Variants in PTPRG observed in about 807,000 individuals in gnomAD.
PTPRG encodes the protein protein tyrosine phosphatase receptor type G.
A neutral mutation model predicts 165.3 loss-of-function variants in PTPRG; 102 were observed. The observed-to-expected ratio is 0.62, with a 90% confidence interval of 0.53 to 0.73. The LOEUF is 0.73. Ranked by LOEUF, PTPRG falls within the 30% of genes least tolerant of loss-of-function variation. The pLI is 0.00. For synonymous variants in PTPRG, 675 were observed against 669.5 expected (o/e 1.01, Z -0.13); for missense variants, 1,866 against 1,861.4 (o/e 1.00, Z -0.05).
rs1338075365 is a variant in PTPRG at position 62,229,127 on chromosome 3, G to T, written c.2289-2098G>T. Among the ~76,000 whole-genome samples, 1 of 152,158 alleles carries T rather than the reference G, an allele frequency of 6.6e-6. No homozygotes were observed. Among genetic ancestry groups the T allele is most frequent in the Non-Finnish European group, 1.5e-5 (1 of 68,040 alleles). On this transcript the variant is annotated intron_variant, in intron 13 of 29. Transcript: ENST00000474889. The surrounding 1 kb of genome is among the most constrained non-coding windows in gnomAD (Gnocchi z 4.6). Reference sequence around the variant, plus strand: ...GCCAAAATATGGCTTGCCTCAGAGGGTTTGAGTTTATGACGACACCCTGGT... The same window carrying T: ...GCCAAAATATGGCTTGCCTCAGAGGTTTTGAGTTTATGACGACACCCTGGT...
intron 2 of PTPRG, among the ~76,000 whole-genome samples, chr3:61,898,134 T>C (rs913039987): frequency 6.6e-6 from 1 of 152,244 alleles, no homozygotes; most frequent in African/African-American, 2.4e-5. Context: ...TTCCCAATCT[T>C]AGAAAGAACA....
intron 2 of PTPRG, among the ~76,000 whole-genome samples, chr3:61,802,957 G>C (rs978874674): frequency 6.6e-6 from 1 of 152,164 alleles, no homozygotes; most frequent in African/African-American, 2.4e-5. Flanking sequence ...TCTTTATAGG[G>C]AACTGTTAAT....
chr3:61,945,129 A>G (rs1186011124), intron 2 of PTPRG, among the ~76,000 whole-genome samples: 1 of 152,220 alleles, frequency 6.6e-6, no homozygotes, highest in Non-Finnish European at 1.5e-5. Flanking sequence ...ATTGCACAGA[A>G]TATCAGTAAG....
intron 8 of PTPRG, among the ~76,000 whole-genome samples, chr3:62,171,789 A>G (rs939255513): frequency 6.6e-6 from 1 of 151,762 alleles, no homozygotes; most frequent in Non-Finnish European, 1.5e-5. Context: ...AGTGTTTTTT[A>G]CTGTAGTCAC....
chr3:61,754,597 G>A (rs116584294), intron 2 of PTPRG, among the ~76,000 whole-genome samples: 1 of 152,156 alleles, frequency 6.6e-6, no homozygotes, highest in Non-Finnish European at 1.5e-5. Context: ...TGGATACACG[G>A]ATAAATTAAC....
chr3:61,684,083 T>C (rs1036441591), intron 1 of PTPRG, among the ~76,000 whole-genome samples: 4 of 152,216 alleles, frequency 2.6e-5, no homozygotes, highest in Admixed American at 6.5e-5. Flanking sequence ...GAGTCATGCT[T>C]CCGTTTGCCA....
rs181393621 is a variant in PTPRG at position 62,226,698 on chromosome 3, G to A, written c.2289-4527G>A. On this transcript the variant is annotated intron_variant, in intron 13 of 29. Transcript: ENST00000474889. ...ACTGGAAACTCCCTAAGTGGGAATT[G>A]TAACATCTGACCCAGGTTTGTTAAA... 4.2e-3 allele frequency among the ~76,000 whole-genome samples: 637 copies of A among 152,306 alleles called. 5 individuals are homozygous for A. Among genetic ancestry groups the A allele is most frequent in the Non-Finnish European group, 5.6e-3 (382 of 68,028 alleles).
At chr3:61,772,945 AC>A (rs1233287925) in intron 2 of PTPRG, among the ~76,000 whole-genome samples, 9 of 152,204 alleles carry the variant, frequency 5.9e-5, no homozygotes, top group Non-Finnish European at 1.2e-4. Flanking sequence ...AATGAGTGGA[AC>A]TCCATAATAA....
In PTPRG at chr3:62,100,024, C is replaced by G. The variant is rs376637781; in HGVS notation, c.615+21766C>G. Among the ~76,000 whole-genome samples the G allele has an allele frequency of 2.0e-5, 3 of 151,808 alleles. No homozygotes were observed. In the East Asian group the frequency reaches 5.8e-4, roughly 29 times the overall value. On this transcript the variant is annotated intron_variant, in intron 5 of 29. Transcript: ENST00000474889. ...ATGTTGACCAGGCTGGTCTTGAACT[C>G]CTGACATCATGATCTTCCCACCTTG...
At chr3:61,635,377 A>G (rs1291229941) in intron 1 of PTPRG, among the ~76,000 whole-genome samples, 1 of 150,242 alleles carries the variant, frequency 6.7e-6, no homozygotes, top group Non-Finnish European at 1.5e-5. Context: ...ATTATTAGAG[A>G]CAGAGTCTCA....
chr3:61,938,290 G>A (rs2039528924), intron 2 of PTPRG, among the ~76,000 whole-genome samples: 1 of 144,560 alleles, frequency 6.9e-6, no homozygotes, highest in African/African-American at 2.6e-5. Flanking sequence ...ATAACCACAT[G>A]ATACGGGTGT....
chr3:62,218,799 C>A, intron 12 of PTPRG, 52 bp from the exon 13 acceptor site: 1 of 1,567,894 alleles, frequency 6.4e-7, no homozygotes, highest in South Asian at 1.2e-5. Context: ...TCAATTCTGG[C>A]TCCCACCTCC....
At chr3:61,624,148 C>T (rs1215478891) in intron 1 of PTPRG, among the ~76,000 whole-genome samples, 1 of 152,062 alleles carries the variant, frequency 6.6e-6, no homozygotes, top group Non-Finnish European at 1.5e-5. Flanking sequence ...TCCCCTGTCC[C>T]AGTATGGGTT....
intron 5 of PTPRG, among the ~76,000 whole-genome samples, chr3:62,130,681 C>A (rs1483822877): frequency 1.3e-5 from 2 of 152,164 alleles, no homozygotes; most frequent in East Asian, 3.9e-4. Context: ...TGGTTAGGTT[C>A]TCTTCTCTTG....
intron 12 of PTPRG, among the ~76,000 whole-genome samples, chr3:62,211,519 T>A (rs1700357774): frequency 6.6e-6 from 1 of 152,222 alleles, no homozygotes; most frequent in Non-Finnish European, 1.5e-5. Context: ...GTTTTTCCAC[T>A]ATTTTTTTTT....
At chr3:62,020,825 A>G (rs1575897955) in intron 4 of PTPRG, among the ~76,000 whole-genome samples, 1 of 147,154 alleles carries the variant, frequency 6.8e-6, no homozygotes, top group East Asian at 2.0e-4. Context: ...GGAATGTGTC[A>G]CCATGCACAG....
chr3:61,574,870 G>A lies in PTPRG; in HGVS notation c.85+12498G>A, dbSNP rs151001329. 1.9e-3 allele frequency among the ~76,000 whole-genome samples: 289 copies of A among 152,162 alleles called. 4 individuals are homozygous for A. Among genetic ancestry groups the A allele is most frequent in the East Asian group, 0.012 (64 of 5,162 alleles). Reference sequence around the variant, plus strand: ...GATGCCCTGGCTTCGTAACAACCCCGCTCAAGGGAACTAATCCATTCCCAC... The same window carrying A: ...GATGCCCTGGCTTCGTAACAACCCCACTCAAGGGAACTAATCCATTCCCAC... On this transcript the variant is annotated intron_variant, in intron 1 of 29. Coordinates refer to ENST00000474889, the MANE Select transcript of PTPRG (RefSeq NM_002841.4).
At chr3:62,065,273 T>C (rs571301264) in intron 4 of PTPRG, among the ~76,000 whole-genome samples, 2 of 152,236 alleles carry the variant, frequency 1.3e-5, no homozygotes, top group East Asian at 3.9e-4. Context: ...TTTTTAGAGG[T>C]AGTGATTTTT....
At chr3:62,074,785 A>G (rs1382014159) in intron 4 of PTPRG, among the ~76,000 whole-genome samples, 1 of 152,156 alleles carries the variant, frequency 6.6e-6, no homozygotes, top group Non-Finnish European at 1.5e-5. Flanking sequence ...AGAGCCCAGA[A>G]TGTTGAAGGG....
Sources: gnomAD v4.1 joint callset for allele counts (sites outside exome capture counted in the v4.1 genomes callset) on GRCh38, gnomAD v4.1.1 for gene constraint, Gnocchi (gnomAD v3.1) non-coding constraint, MANE v1.5 for transcripts, NCBI Gene and HGNC (gene_info 2026-07-23, HGNC 2026-07-21) for gene names.